The following USP47 variants were observed in gnomAD, a reference collection of about 807,000 sequenced individuals.
USP47 encodes ubiquitin specific peptidase 47, also known as ubiquitin carboxyl-terminal hydrolase 47.
In USP47, 35 loss-of-function variants were observed where a neutral mutation model predicts 165.1. The ratio of observed to expected loss-of-function variants is 0.21; its 90% CI spans 0.16 to 0.28. The LOEUF is 0.28. Ranked by LOEUF, USP47 falls within the 10% of genes least tolerant of loss-of-function variation. USP47 has a pLI of 1.00. For missense variants in USP47, 1,277 were observed against 1,607.4 expected (o/e 0.79, Z 3.52); for synonymous variants, 531 against 544.5 (o/e 0.98, Z 0.35).
chr11:11,937,780 C>T (rs533678758), intron 17 of USP47, among the ~76,000 whole-genome samples: 1 of 151,896 alleles, frequency 6.6e-6, no homozygotes, highest in South Asian at 2.1e-4. Context: ...TGAGGATTGA[C>T]ATAAAACATG....
chr11:11,876,389 A>C lies in USP47; in HGVS notation c.40-3788A>C, dbSNP rs547251613. Among the ~76,000 whole-genome samples, 4 of 152,270 alleles carry C rather than the reference A, an allele frequency of 2.6e-5. No individual in the cohort carries two copies. The South Asian group carries it at 6.2e-4, about 24-fold the overall frequency. On this transcript the variant is annotated intron_variant, in intron 1 of 27. Transcript: ENST00000527733. The stretch of plus-strand genomic sequence containing the variant: ...CCTCCCTACCAACAGCACCATCATC[A>C]TACTTTCCCCACTTGAACTTGGATG...
rs774384476 is a variant in USP47 at position 11,922,899 on chromosome 11, T to C, written c.1386+8T>C. The C allele has an allele frequency of 1.2e-6, 2 of 1,606,738 alleles. No homozygotes were observed. The highest frequency in any genetic ancestry group is 1.1e-5 in the South Asian group (1 of 89,920). ...AAATCTGGACTTGAAAAGGTACCTT[T>C]TATAGTTTGCATTTTTTAGTTGAAA... On this transcript the variant is annotated splice_region_variant and intron_variant, in intron 11 of 27. Transcript: ENST00000527733.
chr11:11,901,476 C>A (rs988274009), intron 5 of USP47, among the ~76,000 whole-genome samples: 25 of 152,128 alleles, frequency 1.6e-4, no homozygotes, highest in African/African-American at 6.0e-4. Context: ...AATCTTATTT[C>A]TTTCCATGAG....
Position 11,880,312 on chromosome 11 carries a change from A to G in USP47, c.175A>G (p.Asn59Asp). The G allele has an allele frequency of 7.1e-7, 1 of 1,401,724 alleles. No individual in the cohort carries two copies. The highest frequency in any genetic ancestry group is 9.2e-7 in the Non-Finnish European group (1 of 1,085,846). 86.8% of individuals were successfully genotyped at this position (1,401,724 alleles called of 1,614,324 possible). A position where few individuals can be genotyped will look rare whatever the true frequency, so the allele number is the denominator to read the frequency against. Reference protein sequence around the residue: ...PVRKLFEDVANKVGYINGTFD... With the variant: ...PVRKLFEDVADKVGYINGTFD... ...CAGAAAGCTCTTTGAAGATGTGGCC[A>G]ACAAAGTAGGCTACATAAATGGAAC... The change falls in exon 2 of 28, where the codon AAC becomes GAC. Residue 59 changes from asparagine to aspartate, a missense_variant. This residue lies in a region of USP47 where 181 missense variants were observed against 194.7 expected (regional missense o/e 0.93). Coordinates refer to ENST00000527733, the MANE Select transcript of USP47 (RefSeq NM_001282659.2).
intron 3 of USP47, 125 bp from the exon 4 acceptor site, chr11:11,891,843 G>A (rs1590317435): frequency 2.6e-6 from 3 of 1,170,834 alleles, no homozygotes; most frequent in Non-Finnish European, 3.5e-6. Context: ...TTGGAAGGGG[G>A]CATGAGCACC....
Position 11,924,125 on chromosome 11 carries a change from A to T in USP47, c.1386+1234A>T, listed in dbSNP as rs538547609. ...TTTCAGTTTCTTATCATTGAGTGTG[A>T]TGTTGACTTTCAGTTTTTTATGTTC... On this transcript the variant is annotated intron_variant, in intron 11 of 27. Coordinates refer to ENST00000527733, the MANE Select transcript of USP47 (RefSeq NM_001282659.2). Among the ~76,000 whole-genome samples, 4 of 152,260 alleles carry T rather than the reference A, an allele frequency of 2.6e-5. No individual in the cohort carries two copies. The East Asian group carries it at 7.7e-4, about 29-fold the overall frequency.
chr11:11,943,292 G>A, intron 20 of USP47, 180 bp downstream of exon 20: 2 of 505,894 alleles, frequency 4.0e-6, no homozygotes, highest in South Asian at 6.6e-5. Context: ...TAAATTAGAT[G>A]GTAATTATAT....
At chr11:11,856,108 A>T (rs59109648) in intron 1 of USP47, among the ~76,000 whole-genome samples, 6 of 148,328 alleles carry the variant, frequency 4.0e-5, no homozygotes, top group East Asian at 2.0e-4. Flanking sequence ...GTGTAGATGC[A>T]TGGGGCGCCT....
chr11:11,872,417 A>G lies in USP47; in HGVS notation c.40-7760A>G, dbSNP rs189285044. Among the ~76,000 whole-genome samples the G allele has an allele frequency of 1.1e-3, 172 of 152,316 alleles. No individual in the cohort carries two copies. The Middle Eastern group carries it at 0.014, about 12-fold the overall frequency. ...GTCTATATTAAAGGGGACTGGAATT[A>G]GCCTCCTACTTTTGCTGGAGGCAAG... On this transcript the variant is annotated intron_variant, in intron 1 of 27. Transcript: ENST00000527733.
At chr11:11,936,570 T>G in intron 17 of USP47, 60 bp downstream of exon 17, 1 of 1,350,384 alleles carries the variant, frequency 7.4e-7, no homozygotes, top group African/African-American at 1.5e-5. Flanking sequence ...GAGAAAGTTT[T>G]TTTTTTTATT....
intron 20 of USP47, among the ~76,000 whole-genome samples, chr11:11,945,304 G>A (rs2134815884): frequency 6.6e-6 from 1 of 152,276 alleles, no homozygotes; most frequent in African/African-American, 2.4e-5. Context: ...AAAACATGGG[G>A]ATGATGAGTA....
At chr11:11,897,487 G>T in intron 4 of USP47, 110 bp from the exon 5 acceptor site, 1 of 758,338 alleles carries the variant, frequency 1.3e-6, no homozygotes, top group Non-Finnish European at 2.1e-6. Context: ...ATTTCCAAAT[G>T]AGTAGTAACT....
At chr11:11,854,333 A>G (rs1321723108) in intron 1 of USP47, among the ~76,000 whole-genome samples, 1 of 147,050 alleles carries the variant, frequency 6.8e-6, no homozygotes, top group Admixed American at 6.8e-5. Context: ...GAGTCAGGAC[A>G]CTACAGCTGG....
chr11:11,948,018 T>A lies in USP47; in HGVS notation c.3165T>A (p.Val1055=). The A allele has an allele frequency of 6.2e-7, 1 of 1,613,950 alleles. No individual in the cohort carries two copies. Among genetic ancestry groups the A allele is most frequent in the Non-Finnish European group, 8.5e-7 (1 of 1,179,896 alleles). Residue 1055 remains valine, a synonymous_variant, in exon 21 of 28, where the codon GTT becomes GTA. Transcript: ENST00000527733. ...AACATTTAGAGCCCTTTGTTGGAGT[T>A]TTGTCCTCTCACTTCAAGGTCTTTC... ...FKQHLEPFVG[V]LSSHFKVFRV...
intron 1 of USP47, among the ~76,000 whole-genome samples, chr11:11,842,838 T>C (rs902431722): frequency 9.0e-6 from 1 of 111,114 alleles, no homozygotes; most frequent in East Asian, 2.9e-4. Flanking sequence ...AGAGCTGAAC[T>C]CTTTTTTTTT....
chr11:11,902,786 T>C lies in USP47; in HGVS notation c.665T>C (p.Leu222Ser). The change falls in exon 6 of 28, where the codon TTG becomes TCG. Residue 222 changes from leucine to serine, a missense_variant. Coordinates refer to ENST00000527733, the MANE Select transcript of USP47 (RefSeq NM_001282659.2). ...TACCAACTTCAAAGGCTTTTTGTTT[T>C]GTTACAAACCAGCAAAAAGAGAGCA... is the stretch of plus-strand genomic sequence containing the variant. ...IPYQLQRLFV[L>S]LQTSKKRAIE... is the part of the protein sequence containing the mutation. 2 of 1,603,516 alleles carry C rather than the reference T, an allele frequency of 1.2e-6. No individual in the cohort carries two copies. Among genetic ancestry groups the C allele is most frequent in the African/African-American group, 1.3e-5 (1 of 74,872 alleles).
At chr11:11,905,767 C>T (rs979239093) in intron 8 of USP47, among the ~76,000 whole-genome samples, 4 of 151,682 alleles carry the variant, frequency 2.6e-5, no homozygotes, top group Admixed American at 2.0e-4. Flanking sequence ...AAATGTACTG[C>T]CTCATGGTTC....
intron 1 of USP47, among the ~76,000 whole-genome samples, chr11:11,855,456 A>G (rs1028155591): frequency 5.3e-5 from 8 of 152,218 alleles, no homozygotes; most frequent in African/African-American, 1.9e-4. Flanking sequence ...CTATACTAAT[A>G]ATTTTCAAGT....
Position 11,956,268 on chromosome 11 carries a change from G to GGTGTCACT in USP47, c.*94_*95insTGTCACTG. 1 of 1,445,476 alleles carries GGTGTCACT rather than the reference G, an allele frequency of 6.9e-7. No individual in the cohort carries two copies. The highest frequency in any genetic ancestry group is 9.5e-7 in the Non-Finnish European group (1 of 1,048,858). The allele number at this position is 1,445,476 out of a possible 1,614,324, so 89.5% of individuals were successfully genotyped here. On this transcript the variant is annotated 3_prime_UTR_variant, in exon 28 of 28. Transcript: ENST00000527733. The stretch of plus-strand genomic sequence containing the variant: ...AGTGCCATTTTGGCCGGACATGGTT[G>GGTGTCACT]GGGTAACCCAGTGACACCAGCACTG...
Sources: allele counts gnomAD v4.1 joint callset (sites outside exome capture counted in the v4.1 genomes callset), GRCh38; gene constraint gnomAD v4.1.1; regional missense constraint gnomAD v4.1.1; transcripts MANE v1.5; gene names NCBI Gene and HGNC (gene_info 2026-07-23, HGNC 2026-07-21).